Variants in BEND7 observed in about 807,000 individuals in gnomAD.
BEND7 encodes BEN domain containing 7.
A neutral mutation model predicts 50.9 loss-of-function variants in BEND7; 28 were observed. That is an observed-to-expected ratio of 0.55 (90% confidence interval 0.41 to 0.75). The LOEUF (loss-of-function observed/expected upper bound fraction) is 0.75. Among genes scored for constraint, BEND7 ranks in the 30% least tolerant of loss-of-function variants. BEND7 has a pLI of 0.00. For missense variants in BEND7, 477 were observed against 491.3 expected (o/e 0.97, Z 0.28); for synonymous variants, 170 against 183.9 (o/e 0.92, Z 0.61).
At chr10:13,494,044 A>C (rs1206977336) in intron 4 of BEND7, among the ~76,000 whole-genome samples, 2 of 152,242 alleles carry the variant, frequency 1.3e-5, no homozygotes, top group Non-Finnish European at 2.9e-5. Flanking sequence ...ATAAGAGCAC[A>C]GAAGTTTTTA....
At chr10:13,498,544 C>G (rs2077204104) in intron 3 of BEND7, among the ~76,000 whole-genome samples, 1 of 152,162 alleles carries the variant, frequency 6.6e-6, no homozygotes, top group Non-Finnish European at 1.5e-5. Flanking sequence ...GGTTTATTAA[C>G]TTCATACATA....
At chr10:13,458,385 G>A (rs1235436896) in intron 6 of BEND7, among the ~76,000 whole-genome samples, 3 of 152,214 alleles carry the variant, frequency 2.0e-5, no homozygotes, top group African/African-American at 7.2e-5. Context: ...TCGTTCTCCT[G>A]AGGGACTTTT....
In BEND7 at chr10:13,441,580, T is replaced by C. The variant is rs1835332905; in HGVS notation, c.*163A>G. ...AACAGACCACAGTTGGAAGTTAGCG[T>C]TTCTGCCTTGACCAGCAACATACTC... is the stretch of plus-strand genomic sequence containing the variant. On this transcript the variant is annotated 3_prime_UTR_variant, in exon 9 of 9. Transcript: ENST00000466271. The C allele has an allele frequency of 6.8e-6, 10 of 1,462,868 alleles. No individual in the cohort carries two copies. The East Asian group carries it at 2.5e-4, about 36-fold the overall frequency. 90.6% of individuals were successfully genotyped at this position (1,462,868 alleles called of 1,614,324 possible). A position where few individuals can be genotyped will look rare whatever the true frequency, so the allele number is the denominator to read the frequency against.
chr10:13,506,097 TA>T (rs2077861849), intron 2 of BEND7, among the ~76,000 whole-genome samples: 1 of 152,194 alleles, frequency 6.6e-6, no homozygotes, highest in African/African-American at 2.4e-5. Flanking sequence ...TGAATCCTTT[TA>T]TATTGATCTC....
chr10:13,497,623 G>C (rs17153371), intron 3 of BEND7, among the ~76,000 whole-genome samples: 30,763 of 151,958 alleles, frequency 0.2, 3,211 homozygotes, highest in African/African-American at 0.24. Flanking sequence ...CCTTTTCCTT[G>C]GTAAACCTAT....
chr10:13,516,834 C>T (rs763568259), intron 2 of BEND7, among the ~76,000 whole-genome samples: 15 of 152,186 alleles, frequency 9.9e-5, no homozygotes, highest in Non-Finnish European at 2.1e-4. Flanking sequence ...TAGCAGGATA[C>T]ATACAGGCTT....
At chr10:13,515,577 A>AT (rs1255967720) in intron 2 of BEND7, among the ~76,000 whole-genome samples, 1 of 152,236 alleles carries the variant, frequency 6.6e-6, no homozygotes, top group African/African-American at 2.4e-5. Flanking sequence ...ATATTATGAA[A>AT]TATGCGTGCA....
chr10:13,520,045 G>T (rs1052307284), intron 2 of BEND7, among the ~76,000 whole-genome samples: 2 of 152,106 alleles, frequency 1.3e-5, no homozygotes, highest in African/African-American at 4.8e-5. Flanking sequence ...AGGAGAGCGG[G>T]GCCTCACTCC....
intron 2 of BEND7, among the ~76,000 whole-genome samples, chr10:13,516,262 G>A (rs995635416): frequency 2.6e-5 from 4 of 152,162 alleles, no homozygotes; most frequent in Non-Finnish European, 5.9e-5. Context: ...CAAAGAGGCC[G>A]GCAGAGCACA....
At chr10:13,487,125 C>G (rs1299965093) in intron 5 of BEND7, among the ~76,000 whole-genome samples, 1 of 152,206 alleles carries the variant, frequency 6.6e-6, no homozygotes, top group African/African-American at 2.4e-5. Flanking sequence ...ATATAATTAA[C>G]ATTTATTTGC....
intron 5 of BEND7, among the ~76,000 whole-genome samples, chr10:13,488,060 G>A (rs1340012486): frequency 1.5e-5 from 2 of 133,692 alleles, no homozygotes; most frequent in East Asian, 2.2e-4. Context: ...CAGCCTGGAC[G>A]ACAGAGTGAG....
Position 13,499,850 on chromosome 10 carries a change from G to C in BEND7, c.376C>G (p.Gln126Glu), listed in dbSNP as rs1308645235. 2 of 1,614,056 alleles carry C rather than the reference G, an allele frequency of 1.2e-6. No homozygotes were observed. The highest frequency in any genetic ancestry group is 1.7e-6 in the Non-Finnish European group (2 of 1,180,018). Reference protein sequence around the residue: ...VWNELPPQSGQFSGQYGTRSR... With the variant: ...VWNELPPQSGEFSGQYGTRSR... ...CGGGTGCCATACTGCCCTGAGAACTGTCCACTCTGGGGCGGTAGCTCATTC... is the reference window on the plus strand; with the variant it reads ...CGGGTGCCATACTGCCCTGAGAACTCTCCACTCTGGGGCGGTAGCTCATTC... Residue 126 changes from glutamine to glutamate, a missense_variant, in exon 3 of 9, where the codon CAG becomes GAG. Around this residue, in one of 3 missense-constraint regions of BEND7, gnomAD observed 396 missense variants for 384.2 expected, o/e 1.03. Transcript: ENST00000466271.
intron 2 of BEND7, chr10:13,502,836 C>G (rs962100777): frequency 1.1e-6 from 1 of 928,116 alleles, no homozygotes; most frequent in Admixed American, 6.2e-5. Flanking sequence ...CAGCCATAGC[C>G]AGGCCACATG....
At chr10:13,498,071 C>CTTTTTT (rs67255529) in intron 3 of BEND7, among the ~76,000 whole-genome samples, 1,305 of 109,596 alleles carry the variant, frequency 0.012, no homozygotes, top group East Asian at 0.016. Flanking sequence ...ATTTCTTTTT[C>CTTTTTT]TTTTTTTTTT....
rs530277554 is a variant in BEND7 at position 13,464,928 on chromosome 10, G to C, written c.1064-12270C>G. On this transcript the variant is annotated intron_variant, in intron 6 of 8. Coordinates refer to ENST00000466271, the MANE Select transcript of BEND7 (RefSeq NM_001369863.1). ...AGTAATTTGCCTTCGGGGAATAACA[G>C]AGAAGACAGCAGTGCATCTCATCCT... Among the ~76,000 whole-genome samples, 6 of 152,336 alleles carry C rather than the reference G, an allele frequency of 3.9e-5. No homozygotes were observed. In the South Asian group the frequency reaches 1.2e-3, roughly 32 times the overall value.
At chr10:13,501,374 C>CAAAA (rs58905816) in intron 2 of BEND7, among the ~76,000 whole-genome samples, 69 of 72,742 alleles carry the variant, frequency 9.5e-4, no homozygotes, top group Middle Eastern at 8.3e-3. Context: ...AACTCCATCT[C>CAAAA]AAAAAAAAAA....
chr10:13,455,928 C>T lies in BEND7; in HGVS notation c.1064-3270G>A, dbSNP rs558394674. Reference sequence around the variant, plus strand: ...CGGCTGCCACGCCACAGACAGGCTACGTGGTAGGGCTATGCAGCGTGGCGG... The same window carrying T: ...CGGCTGCCACGCCACAGACAGGCTATGTGGTAGGGCTATGCAGCGTGGCGG... On this transcript the variant is annotated intron_variant, in intron 6 of 8. Transcript: ENST00000466271. Among the ~76,000 whole-genome samples, 8 of 152,250 alleles carry T rather than the reference C, an allele frequency of 5.3e-5. No homozygotes were observed. The East Asian group carries it at 7.7e-4, about 15-fold the overall frequency.
chr10:13,488,181 C>A (rs1326931578), intron 5 of BEND7, among the ~76,000 whole-genome samples: 4 of 150,790 alleles, frequency 2.7e-5, no homozygotes, highest in Non-Finnish European at 5.9e-5. Flanking sequence ...TTTAAACTGG[C>A]ATAATCTAGT....
intron 2 of BEND7, chr10:13,500,585 T>A: frequency 2.0e-6 from 2 of 988,006 alleles, no homozygotes; most frequent in Non-Finnish European, 2.4e-6. Flanking sequence ...GCTTCACTAC[T>A]GACACAATGT....
Sources: gnomAD v4.1 joint callset for allele counts (sites outside exome capture counted in the v4.1 genomes callset) on GRCh38, gnomAD v4.1.1 for gene constraint, gnomAD v4.1.1 regional missense constraint, MANE v1.5 for transcripts, NCBI Gene and HGNC (gene_info 2026-07-23, HGNC 2026-07-21) for gene names.